Variants in PVT1 observed in about 807,000 individuals in gnomAD.
PVT1 encodes the protein CXCR4/PVT1 fusion.
intron 4 of PVT1, among the ~76,000 whole-genome samples, chr8:128,040,813 GTTTGTGCTTGTGTGTTTGTGTATGTACA>G (rs1468979211): frequency 6.6e-6 from 1 of 151,004 alleles, no homozygotes; most frequent in Non-Finnish European, 1.5e-5. Flanking sequence ...TCTGTGTGTT[GTTTGTGCTTGTGTGTTTGTGTATGTACA>G]TTTGTGCTTG....
intron 4 of PVT1, among the ~76,000 whole-genome samples, chr8:128,037,008 C>T (rs1193534845): frequency 6.6e-6 from 1 of 152,208 alleles, no homozygotes; most frequent in Non-Finnish European, 1.5e-5. Context: ...GCATAACTTG[C>T]TGTTGAGATT....
intron 4 of PVT1, among the ~76,000 whole-genome samples, chr8:128,038,619 T>C (rs1813492411): frequency 6.6e-6 from 1 of 152,128 alleles, no homozygotes; most frequent in African/African-American, 2.4e-5. Context: ...ACTTGGCCTG[T>C]TTAGGATCAT....
chr8:127,817,374 A>AAT (rs199893256), intron 2 of PVT1, among the ~76,000 whole-genome samples: 7 of 105,778 alleles, frequency 6.6e-5, no homozygotes, highest in Non-Finnish European at 1.3e-4. Context: ...TATCTATTTA[A>AAT]ATATATATAT....
intron 2 of PVT1, among the ~76,000 whole-genome samples, chr8:127,857,904 T>A (rs539089327): frequency 6.6e-6 from 1 of 152,308 alleles, no homozygotes; most frequent in Admixed American, 6.5e-5. Context: ...GTCTTCAAAG[T>A]GCTCTGATTC....
intron 2 of PVT1, among the ~76,000 whole-genome samples, chr8:127,865,501 C>T (rs933958850): frequency 2.0e-5 from 3 of 151,894 alleles, no homozygotes; most frequent in Non-Finnish European, 4.4e-5. Context: ...TACAAGTGGG[C>T]GAGAGAGGCA....
chr8:128,062,815 T>C (rs1275638651), intron 4 of PVT1, among the ~76,000 whole-genome samples: 1 of 152,210 alleles, frequency 6.6e-6, no homozygotes, highest in East Asian at 1.9e-4. Context: ...AGAGATCAGT[T>C]TCCTCAGTCT....
At chr8:127,935,561 C>T (rs75394188) in intron 3 of PVT1, among the ~76,000 whole-genome samples, 3 of 152,006 alleles carry the variant, frequency 2.0e-5, no homozygotes, top group Non-Finnish European at 4.4e-5. Context: ...TGTCACACAA[C>T]TGATAGATGA....
chr8:127,893,524 A>AGAGCT (rs2129809465), intron 3 of PVT1, among the ~76,000 whole-genome samples: 1 of 152,300 alleles, frequency 6.6e-6, no homozygotes, highest in South Asian at 2.1e-4. Context: ...TGCGATTACA[A>AGAGCT]GCGTGACCCA....
At chr8:127,999,612 C>T (rs765012963) in intron 4 of PVT1, among the ~76,000 whole-genome samples, 1 of 152,138 alleles carries the variant, frequency 6.6e-6, no homozygotes. Context: ...CAGGTGCACA[C>T]CACCACACCT....
chr8:127,946,141 TC>T (rs1300527723), intron 3 of PVT1, among the ~76,000 whole-genome samples: 2 of 152,172 alleles, frequency 1.3e-5, no homozygotes, highest in African/African-American at 4.8e-5. Context: ...CAGCCACACA[TC>T]CAAGGCAGGG....
chr8:128,077,207 T>C (rs908486604), intron 5 of PVT1, among the ~76,000 whole-genome samples: 6 of 152,202 alleles, frequency 3.9e-5, no homozygotes, highest in African/African-American at 1.4e-4. Flanking sequence ...CCCATCTAAG[T>C]GTCTGGGGTT....
intron 2 of PVT1, among the ~76,000 whole-genome samples, chr8:127,881,467 TC>T (rs201758399): frequency 5.0e-4 from 38 of 75,972 alleles, no homozygotes; most frequent in African/African-American, 4.0e-3. Context: ...TATTATTATT[TC>T]AGATGGAGTT....
intron 5 of PVT1, among the ~76,000 whole-genome samples, chr8:128,074,429 A>G (rs537601124): frequency 6.6e-6 from 1 of 151,604 alleles, no homozygotes; most frequent in South Asian, 2.1e-4. Context: ...AGGCTGAGAC[A>G]GGAGAATTGC....
At chr8:128,076,148 G>T (rs1814087161) in intron 5 of PVT1, among the ~76,000 whole-genome samples, 1 of 152,174 alleles carries the variant, frequency 6.6e-6, no homozygotes. Context: ...TCTGGTGTCT[G>T]CTCTGCCCAC....
At chr8:127,927,252 C>T (rs1400782623) in intron 3 of PVT1, among the ~76,000 whole-genome samples, 3 of 152,192 alleles carry the variant, frequency 2.0e-5, no homozygotes, top group Non-Finnish European at 4.4e-5. Context: ...CAGTGACTAG[C>T]ATCGAGGGGA....
chr8:128,012,606 A>G, intron 4 of PVT1, among the ~76,000 whole-genome samples: 1 of 152,176 alleles, frequency 6.6e-6, no homozygotes, highest in East Asian at 1.9e-4. Context: ...TGCAGAGTTG[A>G]TGGAGACCCT....
intron 3 of PVT1, among the ~76,000 whole-genome samples, chr8:127,899,438 G>A (rs1815731520): frequency 6.6e-6 from 1 of 152,230 alleles, no homozygotes; most frequent in Admixed American, 6.5e-5. Context: ...TGTTGAGTCA[G>A]CTCAGGCAGT....
rs999336920 is a variant in PVT1 at position 127,994,135 on chromosome 8, C to A, written n.912+4844C>A. Among the ~76,000 whole-genome samples, 3 of 152,220 alleles carry A rather than the reference C, an allele frequency of 2.0e-5. No homozygotes were observed. In the East Asian group the frequency reaches 5.8e-4, roughly 29 times the overall value. ...TCTTGTGCTGCTCCTCACCCCCTCT[C>A]CAACTGTCTCTCCTTCTCCACCATT... On this transcript the variant is annotated intron_variant and non_coding_transcript_variant, in intron 4 of 10. Coordinates refer to ENST00000651587, the Ensembl canonical transcript of PVT1.
chr8:127,985,738 A>G (rs779909548), intron 3 of PVT1, among the ~76,000 whole-genome samples: 6 of 152,206 alleles, frequency 3.9e-5, no homozygotes, highest in Admixed American at 6.5e-5. Context: ...GGAGCTTCCC[A>G]GGGGAAACTG....
Sources: allele counts gnomAD v4.1 joint callset (sites outside exome capture counted in the v4.1 genomes callset), GRCh38; gene constraint gnomAD v4.1.1; transcripts MANE v1.5; gene names NCBI Gene and HGNC (gene_info 2026-07-23, HGNC 2026-07-21).